Variants in MARCHF1 observed in about 807,000 individuals in gnomAD.
The protein encoded by MARCHF1 is membrane associated ring-CH-type finger 1.
A neutral mutation model predicts 54.2 loss-of-function variants in MARCHF1; 40 were observed. The observed-to-expected ratio is 0.74, with a 90% CI of 0.57 to 0.96. The LOEUF (loss-of-function observed/expected upper bound fraction) is 0.96, where lower values mean the gene tolerates loss of function less well. Ranked by LOEUF, MARCHF1 falls within the 40% of genes least tolerant of loss-of-function variation. The pLI, the probability that MARCHF1 is intolerant of heterozygous loss-of-function variation, is 0.00. For missense variants in MARCHF1, 586 were observed against 656.5 expected, an observed-to-expected ratio of 0.89 and a Z score of 1.17; for synonymous variants, 236 against 236.3, an observed-to-expected ratio of 1.00 and a Z score of 0.01.
At chr4:164,123,281 T>TA (rs1756109745) in intron 1 of MARCHF1, among the ~76,000 whole-genome samples, 1 of 151,978 alleles carries the variant, frequency 6.6e-6, no homozygotes, top group Non-Finnish European at 1.5e-5. Flanking sequence ...ATGAAAACTG[T>TA]AAAACACTGA....
chr4:164,175,119 T>G (rs1409717647), intron 1 of MARCHF1, among the ~76,000 whole-genome samples: 3 of 152,222 alleles, frequency 2.0e-5, no homozygotes, highest in Non-Finnish European at 4.4e-5. Context: ...AGCCTTAATT[T>G]TCTCATCTTT....
Position 163,576,703 on chromosome 4 carries a change from C to CT in MARCHF1, c.1191+9045dup, listed in dbSNP as rs369325378. 2.9e-3 allele frequency among the ~76,000 whole-genome samples: 444 copies of CT among 152,032 alleles called. 3 individuals are homozygous for CT. Among genetic ancestry groups the CT allele is most frequent in the African/African-American group, 0.01 (420 of 41,510 alleles). On this transcript the variant is annotated intron_variant, in intron 8 of 9. Transcript: ENST00000514618. ...AAGTCTTTTCTTAGATCTACAAGTA[C>CT]TTTTTTTATGAATCTGGGTGCTTCA... is the stretch of plus-strand genomic sequence containing the variant.
intron 1 of MARCHF1, chr4:164,197,245 A>C: frequency 6.2e-7 from 1 of 1,610,730 alleles, no homozygotes; most frequent in Non-Finnish European, 8.5e-7. Context: ...GTGGTCCTCA[A>C]TATCTGAGTA....
intron 1 of MARCHF1, among the ~76,000 whole-genome samples, chr4:164,304,807 G>A (rs1734656278): frequency 6.6e-6 from 1 of 152,104 alleles, no homozygotes; most frequent in Non-Finnish European, 1.5e-5. Flanking sequence ...AAATACCAGG[G>A]CTGTGTTTTT....
At chr4:164,065,895 C>T (rs1479263271) in intron 2 of MARCHF1, among the ~76,000 whole-genome samples, 1 of 152,196 alleles carries the variant, frequency 6.6e-6, no homozygotes. Flanking sequence ...GAAGATTCAG[C>T]AAGCCAGCTT....
chr4:163,568,715 T>C (rs1411295735), intron 8 of MARCHF1, among the ~76,000 whole-genome samples: 1 of 152,078 alleles, frequency 6.6e-6, no homozygotes, highest in African/African-American at 2.4e-5. Flanking sequence ...GAAAGGAATA[T>C]TTATCTAGGC....
chr4:164,298,752 G>T (rs1734475922), intron 1 of MARCHF1, among the ~76,000 whole-genome samples: 1 of 152,064 alleles, frequency 6.6e-6, no homozygotes, highest in African/African-American at 2.4e-5. Flanking sequence ...TTATTGGAAA[G>T]AATTGCTCTT....
At chr4:163,641,052 A>G (rs968042498) in intron 5 of MARCHF1, among the ~76,000 whole-genome samples, 3 of 152,070 alleles carry the variant, frequency 2.0e-5, no homozygotes, top group Admixed American at 2.0e-4. Flanking sequence ...CTTCATTATC[A>G]TGTCAACCTA....
chr4:163,913,213 C>T (rs926510733), intron 3 of MARCHF1, among the ~76,000 whole-genome samples: 2 of 152,138 alleles, frequency 1.3e-5, no homozygotes, highest in Admixed American at 1.3e-4. Flanking sequence ...TATGTGTTTG[C>T]GTTTTGTGTG....
At chr4:164,233,383 G>A (rs1019783519) in intron 1 of MARCHF1, among the ~76,000 whole-genome samples, 1 of 152,064 alleles carries the variant, frequency 6.6e-6, no homozygotes. Context: ...TTTTCTCAAT[G>A]CCCTGAATCC....
chr4:164,315,159 A>C (rs1734962116), intron 1 of MARCHF1, among the ~76,000 whole-genome samples: 1 of 151,840 alleles, frequency 6.6e-6, no homozygotes, highest in Non-Finnish European at 1.5e-5. Flanking sequence ...GATCTCATTA[A>C]AACCAAGTGA....
intron 1 of MARCHF1, among the ~76,000 whole-genome samples, chr4:164,128,204 A>G (rs746668336): frequency 6.6e-6 from 1 of 152,176 alleles, no homozygotes; most frequent in African/African-American, 2.4e-5. Flanking sequence ...AATACACAAG[A>G]AGAAAACATG....
chr4:163,851,406 T>C (rs1320811277), intron 4 of MARCHF1, among the ~76,000 whole-genome samples: 1 of 152,208 alleles, frequency 6.6e-6, no homozygotes, highest in Non-Finnish European at 1.5e-5. Flanking sequence ...TCATGGTTTA[T>C]TGTGGATTCC....
intron 1 of MARCHF1, among the ~76,000 whole-genome samples, chr4:164,257,188 A>T (rs1402465593): frequency 6.6e-6 from 1 of 152,152 alleles, no homozygotes; most frequent in Admixed American, 6.6e-5. Context: ...ACTCAGTAAA[A>T]CTTTAAAATG....
At chr4:164,208,604 A>G (rs1443132908) in intron 1 of MARCHF1, among the ~76,000 whole-genome samples, 1 of 152,224 alleles carries the variant, frequency 6.6e-6, no homozygotes, top group African/African-American at 2.4e-5. Flanking sequence ...TGATCAAGCA[A>G]GAGAGAAAAG....
chr4:164,351,288 T>C (rs1258053370), intron 1 of MARCHF1, among the ~76,000 whole-genome samples: 1 of 150,732 alleles, frequency 6.6e-6, no homozygotes, highest in East Asian at 2.0e-4. Context: ...CCTGCCTCTG[T>C]AGGCTCCACC....
chr4:163,918,608 T>C (rs1190370109), intron 3 of MARCHF1, among the ~76,000 whole-genome samples: 1 of 152,190 alleles, frequency 6.6e-6, no homozygotes, highest in Non-Finnish European at 1.5e-5. Flanking sequence ...CTTCACTTTA[T>C]AATTACGAGC....
At chr4:163,989,736 T>G (rs1464840660) in intron 2 of MARCHF1, among the ~76,000 whole-genome samples, 1 of 152,240 alleles carries the variant, frequency 6.6e-6, no homozygotes, top group African/African-American at 2.4e-5. Flanking sequence ...TCCCTCTTTT[T>G]CAGGGTGTTT....
At chr4:163,984,562 T>C (rs1433380453) in intron 3 of MARCHF1, among the ~76,000 whole-genome samples, 1 of 152,150 alleles carries the variant, frequency 6.6e-6, no homozygotes, top group Non-Finnish European at 1.5e-5. Context: ...TAGACACATT[T>C]GCTTGCAAAT....
Sources: allele counts gnomAD v4.1 joint callset (sites outside exome capture counted in the v4.1 genomes callset), GRCh38; gene constraint gnomAD v4.1.1; transcripts MANE v1.5; gene names NCBI Gene and HGNC (gene_info 2026-07-23, HGNC 2026-07-21).